The following PTCHD4 variants were observed in gnomAD, a reference collection of about 807,000 sequenced individuals.
PTCHD4 encodes patched domain-containing protein 4.
In PTCHD4, 33 loss-of-function variants were observed where a neutral mutation model predicts 58.1. The observed-to-expected ratio is 0.57, with a 90% confidence interval of 0.43 to 0.76. The LOEUF is 0.76. Among genes scored for constraint, PTCHD4 ranks in the 30% least tolerant of loss-of-function variants. PTCHD4 has a pLI of 0.00. For missense variants in PTCHD4, 1,058 were observed against 1,027.1 expected (o/e 1.03, Z -0.41); for synonymous variants, 478 against 409.6 (o/e 1.17, Z -2.02).
In PTCHD4 at chr6:47,879,654, T is replaced by C. The variant is rs1763960279; in HGVS notation, c.1181A>G (p.Glu394Gly). ...GSCLVFAGQLEQNRYHSIFCC... is the reference protein window; with the variant it reads ...GSCLVFAGQLGQNRYHSIFCC... ...AAAGATGCTGTGGTAGCGGTTTTGC[T>C]CTAGTTGGCCAGCAAAGACCAGACA... Residue 394 changes from glutamate to glycine, a missense_variant, in exon 5 of 5, where the codon GAG (glutamate) becomes GGG (glycine). Glu to Gly is a moderately conservative substitution (Grantham distance 98). Transcript: ENST00000339488. 6 of 1,613,542 alleles carry C rather than the reference T, an allele frequency of 3.7e-6. No individual in the cohort carries two copies. The highest frequency in any genetic ancestry group is 5.1e-6 in the Non-Finnish European group (6 of 1,179,720).
At chr6:48,047,470 T>C (rs1409307621) in intron 3 of PTCHD4, among the ~76,000 whole-genome samples, 1 of 151,874 alleles carries the variant, frequency 6.6e-6, no homozygotes, top group Non-Finnish European at 1.5e-5. Context: ...GTCAACCAGT[T>C]AGGCAGCACA....
chr6:48,079,117 CAAAA>C (rs398001467), intron 1 of PTCHD4, among the ~76,000 whole-genome samples: 9 of 73,166 alleles, frequency 1.2e-4, no homozygotes, highest in Admixed American at 8.5e-4. Context: ...AATTCCATCA[CAAAA>C]AAAAAAAAAA....
At chr6:47,887,770 T>G (rs1395803681) in intron 4 of PTCHD4, among the ~76,000 whole-genome samples, 2 of 152,180 alleles carry the variant, frequency 1.3e-5, no homozygotes, top group East Asian at 1.9e-4. Context: ...TACTGACTGC[T>G]TCTAATTTAG....
At chr6:48,032,547 T>C (rs2114135382) in intron 3 of PTCHD4, among the ~76,000 whole-genome samples, 1 of 152,184 alleles carries the variant, frequency 6.6e-6, no homozygotes, top group Middle Eastern at 3.4e-3. Flanking sequence ...AATTAAGTAA[T>C]CAAGAATTAT....
rs1581812462 is a variant in PTCHD4, at chr6:47,878,414, G to GA, written c.2420dup (p.Ser810PhefsTer20). 3 of 1,613,432 alleles carry GA rather than the reference G, an allele frequency of 1.9e-6. No individual in the cohort carries two copies. The highest frequency in any genetic ancestry group is 2.5e-6 in the Non-Finnish European group (3 of 1,179,658). On this transcript the variant is annotated frameshift_variant, in exon 5 of 5. Transcript: ENST00000339488. LOFTEE classifies it high-confidence loss of function. ...TCTTGTGGTGCTTTTTGGAAGGGGGGAAAAACGTTAGGAACACAGGTAAAA... is the reference window on the plus strand; with the variant it reads ...TCTTGTGGTGCTTTTTGGAAGGGGGGAAAAAACGTTAGGAACACAGGTAAAA...
intron 3 of PTCHD4, among the ~76,000 whole-genome samples, chr6:48,010,674 G>C (rs1265030886): frequency 7.2e-5 from 11 of 151,732 alleles, no homozygotes; most frequent in Non-Finnish European, 1.5e-4. Flanking sequence ...AGTTATACAT[G>C]TGCCATGTGG....
chr6:48,089,076 G>A (rs1335764606), intron 1 of PTCHD4, among the ~76,000 whole-genome samples: 2 of 151,970 alleles, frequency 1.3e-5, no homozygotes, highest in African/African-American at 4.8e-5. Context: ...ATAGGAATGG[G>A]GGTAATCATT....
intron 3 of PTCHD4, among the ~76,000 whole-genome samples, chr6:48,048,974 T>C (rs1301664518): frequency 6.6e-6 from 1 of 151,966 alleles, no homozygotes; most frequent in Non-Finnish European, 1.5e-5. Context: ...CTGAGACCAC[T>C]GAAGAAGATG....
intron 4 of PTCHD4, among the ~76,000 whole-genome samples, chr6:47,914,760 C>T (rs1256178541): frequency 6.8e-6 from 1 of 148,108 alleles, no homozygotes; most frequent in African/African-American, 2.6e-5. Context: ...ATCTATCTAT[C>T]TATCTATCTA....
chr6:48,066,229 T>C (rs1471073962), intron 3 of PTCHD4, among the ~76,000 whole-genome samples: 5 of 151,994 alleles, frequency 3.3e-5, no homozygotes. Context: ...ATTTAGTAAA[T>C]CATAAGAGCA....
intron 4 of PTCHD4, among the ~76,000 whole-genome samples, chr6:47,975,942 T>C (rs1378042314): frequency 6.6e-6 from 1 of 152,208 alleles, no homozygotes; most frequent in Non-Finnish European, 1.5e-5. Context: ...TTTCTGCCCC[T>C]TTTGAACATC....
At chr6:47,979,758 A>T (rs10948392) in intron 4 of PTCHD4, among the ~76,000 whole-genome samples, 24,706 of 151,958 alleles carry the variant, frequency 0.16, 2,147 homozygotes, top group South Asian at 0.29. Context: ...GATAAAATTG[A>T]ATTAAAAATT....
chr6:47,905,281 T>C (rs748587888), intron 4 of PTCHD4, among the ~76,000 whole-genome samples: 1 of 152,116 alleles, frequency 6.6e-6, no homozygotes, highest in Non-Finnish European at 1.5e-5. Context: ...CTGGCTGCAG[T>C]AAAGAATATG....
intron 4 of PTCHD4, among the ~76,000 whole-genome samples, chr6:47,914,008 T>C (rs145530127): frequency 1.9e-3 from 288 of 152,270 alleles, no homozygotes; most frequent in Middle Eastern, 6.8e-3. Context: ...AATAGTGATT[T>C]TTTTTCTCTC....
intron 4 of PTCHD4, among the ~76,000 whole-genome samples, chr6:47,993,502 CA>C (rs1768357149): frequency 6.6e-6 from 1 of 152,084 alleles, no homozygotes; most frequent in Admixed American, 6.5e-5. Context: ...ATGCAATGCA[CA>C]ATATATTAAG....
intron 4 of PTCHD4, among the ~76,000 whole-genome samples, chr6:48,005,648 A>G (rs1762405663): frequency 6.6e-6 from 1 of 152,174 alleles, no homozygotes; most frequent in Non-Finnish European, 1.5e-5. Flanking sequence ...TGATTTTTCT[A>G]TTCTAAGCCT....
Position 47,984,858 on chromosome 6 carries a change from G to A in PTCHD4, c.898+23776C>T, listed in dbSNP as rs184057491. ...TAACTTGGCTAGGAGAAATCCAAAG[G>A]TACAAAAAGCAATTAGGTAGTTTAT... On this transcript the variant is annotated intron_variant, in intron 4 of 4. Coordinates refer to ENST00000339488, the MANE Select transcript of PTCHD4 (RefSeq NM_001384253.1). Among the ~76,000 whole-genome samples the A allele has an allele frequency of 5.9e-3, 901 of 152,050 alleles. 4 individuals carry two copies. Among genetic ancestry groups the A allele is most frequent in the Middle Eastern group, 0.034 (10 of 294 alleles).
chr6:48,096,267 G>A (rs1327261783), intron 1 of PTCHD4, among the ~76,000 whole-genome samples: 1 of 152,008 alleles, frequency 6.6e-6, no homozygotes, highest in East Asian at 1.9e-4. Flanking sequence ...GGAAGAAATC[G>A]GCAAAGGCAC....
At chr6:48,100,847 T>G (rs1171213676) in intron 1 of PTCHD4, among the ~76,000 whole-genome samples, 1 of 152,222 alleles carries the variant, frequency 6.6e-6, no homozygotes, top group Non-Finnish European at 1.5e-5. Flanking sequence ...TAGAGAATCC[T>G]GACCAAAACC....
Sources: allele counts gnomAD v4.1 joint callset (sites outside exome capture counted in the v4.1 genomes callset), GRCh38; gene constraint gnomAD v4.1.1; transcripts MANE v1.5; gene names NCBI Gene and HGNC (gene_info 2026-07-23, HGNC 2026-07-21).